Variants in KDM6A observed in about 807,000 individuals in gnomAD.
KDM6A encodes lysine demethylase 6A.
In KDM6A, 11 loss-of-function variants were observed where a neutral mutation model predicts 117.6. The ratio of observed to expected loss-of-function variants is 0.09; its 90% CI spans 0.06 to 0.15. The LOEUF (loss-of-function observed/expected upper bound fraction) is 0.15, where lower values mean the gene tolerates loss of function less well. Among genes scored for constraint, KDM6A ranks in the 10% least tolerant of loss-of-function variants. The pLI is 1.00. For synonymous variants in KDM6A, 384 were observed against 396.1 expected (o/e 0.97, Z 0.36); for missense variants, 799 against 1,077.3 (o/e 0.74, Z 3.62).
chrX:45,006,886 A>T (rs1003342974), intron 4 of KDM6A, among the ~76,000 whole-genome samples: 16 of 109,800 alleles, frequency 1.5e-4, no homozygotes, highest in Non-Finnish European at 2.7e-4. Flanking sequence ...AGCCGAGATC[A>T]CACCATTGCA....
At chrX:44,911,255 T>C (rs1183526942) in intron 2 of KDM6A, among the ~76,000 whole-genome samples, 1 of 108,355 alleles carries the variant, frequency 9.2e-6, no homozygotes, top group Non-Finnish European at 1.9e-5. Context: ...GCGGAGGGGC[T>C]CCTCACTTCT....
At chrX:44,959,997 C>G (rs975356921) in intron 2 of KDM6A, among the ~76,000 whole-genome samples, 1 of 111,589 alleles carries the variant, frequency 9.0e-6, no homozygotes, top group Non-Finnish European at 1.9e-5. Flanking sequence ...ATTATCCAAA[C>G]TTGTTGAATA....
intron 2 of KDM6A, among the ~76,000 whole-genome samples, chrX:44,887,913 C>G (rs2033025490): frequency 9.0e-6 from 1 of 111,259 alleles, no homozygotes; most frequent in African/African-American, 3.3e-5. Flanking sequence ...GAAAACCGCT[C>G]GAGCCCAGGA....
At chrX:45,056,989 C>G (rs2044100218) in intron 10 of KDM6A, among the ~76,000 whole-genome samples, 1 of 111,153 alleles carries the variant, frequency 9.0e-6, no homozygotes, top group Non-Finnish European at 1.9e-5. Context: ...ATGAATTTTT[C>G]CTTCATAAAA....
At chrX:45,036,118 T>G (rs1223762691) in intron 7 of KDM6A, among the ~76,000 whole-genome samples, 2 of 111,932 alleles carry the variant, frequency 1.8e-5, no homozygotes, top group Admixed American at 1.9e-4. Context: ...TTTTTGTTTT[T>G]GTTTTTTGTT....
At chrX:44,908,364 A>T (rs901099337) in intron 2 of KDM6A, among the ~76,000 whole-genome samples, 1 of 111,630 alleles carries the variant, frequency 9.0e-6, no homozygotes, top group African/African-American at 3.3e-5. Context: ...GAAAGGGTAC[A>T]GCAGGGATAT....
At chrX:44,907,520 G>A (rs1467696828) in intron 2 of KDM6A, among the ~76,000 whole-genome samples, 12 of 97,510 alleles carry the variant, frequency 1.2e-4, no homozygotes, top group African/African-American at 3.1e-4. Flanking sequence ...TTGTTCTGTC[G>A]CCCAGGCTGG....
chrX:44,965,808 C>T (rs972452552), intron 3 of KDM6A, among the ~76,000 whole-genome samples: 2 of 112,181 alleles, frequency 1.8e-5, no homozygotes, highest in African/African-American at 3.2e-5. Flanking sequence ...AAAATGACAC[C>T]GATAGACTTG....
Position 44,873,458 on chromosome X carries a change from G to T in KDM6A, c.-94G>T, listed in dbSNP as rs2146439219. The T allele has an allele frequency of 1.8e-6, 2 of 1,130,790 alleles. No homozygotes were observed. Among genetic ancestry groups the T allele is most frequent in the East Asian group, 6.1e-5 (2 of 32,556 alleles). 93.2% of individuals were successfully genotyped at this position (1,130,790 alleles called of 1,213,427 possible). On this transcript the variant is annotated 5_prime_UTR_variant, in exon 1 of 30. Transcript: ENST00000611820. ...GGAGGAGGAGGCGGCGATAAAGTTG[G>T]TGTGCTGGTCCCGCGCGCAGATTGG...
chrX:45,025,947 A>G (rs150439721), intron 6 of KDM6A, among the ~76,000 whole-genome samples: 4,283 of 111,851 alleles, frequency 0.038, 213 homozygotes, highest in African/African-American at 0.13. Flanking sequence ...GATGAGAATT[A>G]TGGAGACAGT....
In KDM6A at chrX:45,059,307, A is replaced by G; in HGVS notation, c.1035A>G (p.Val345=). ...CTTTACAGGCCTATATTTGTGCTGTACAATTGGACCATGGCCATGCTGCAG... is the reference window on the plus strand; with the variant it reads ...CTTTACAGGCCTATATTTGTGCTGTGCAATTGGACCATGGCCATGCTGCAG... ...MDALQAYICA[V]QLDHGHAAAW... The change falls in exon 12 of 30, where the codon GTA becomes GTG. Residue 345 remains valine, a synonymous_variant. Coordinates refer to ENST00000611820, the MANE Select transcript of KDM6A (RefSeq NM_001291415.2). 1.7e-6 allele frequency: 2 copies of G among 1,211,462 alleles called. No homozygotes were observed. The highest frequency in any genetic ancestry group is 2.2e-6 in the Non-Finnish European group (2 of 895,408).
chrX:45,039,096 G>A (rs908635087), intron 8 of KDM6A, among the ~76,000 whole-genome samples: 1 of 110,957 alleles, frequency 9.0e-6, no homozygotes, highest in Non-Finnish European at 1.9e-5. Context: ...CCCAAACCCA[G>A]CTCTATGGCA....
intron 2 of KDM6A, among the ~76,000 whole-genome samples, chrX:44,923,662 A>G (rs2036122577): frequency 9.5e-6 from 1 of 104,857 alleles, no homozygotes; most frequent in African/African-American, 3.5e-5. Flanking sequence ...CTCCTGCCTC[A>G]GCCTCCTGAG....
intron 23 of KDM6A, 56 bp from the exon 24 acceptor site, chrX:45,083,404 A>G: frequency 8.9e-7 from 1 of 1,121,681 alleles, no homozygotes; most frequent in East Asian, 3.0e-5. Context: ...AGAAATGGTA[A>G]ACTTCCACAG....
At chrX:44,910,348 G>A (rs1015289480) in intron 2 of KDM6A, among the ~76,000 whole-genome samples, 1 of 110,950 alleles carries the variant, frequency 9.0e-6, no homozygotes, top group African/African-American at 3.3e-5. Context: ...CACCATGCCC[G>A]GCTAATTTTT....
chrX:44,881,449 A>G (rs1357498447), intron 2 of KDM6A, among the ~76,000 whole-genome samples: 2 of 111,732 alleles, frequency 1.8e-5, no homozygotes, highest in Non-Finnish European at 3.8e-5. Context: ...AAAAACAACA[A>G]AAAAACTGTC....
chrX:44,894,635 T>G (rs1378552998), intron 2 of KDM6A, among the ~76,000 whole-genome samples: 1 of 106,777 alleles, frequency 9.4e-6, no homozygotes, highest in Non-Finnish European at 1.9e-5. Context: ...TTTTTTTTTT[T>G]GAGACAGTCT....
intron 19 of KDM6A, 40 bp from the exon 20 acceptor site, chrX:45,078,360 C>T: frequency 8.9e-7 from 1 of 1,129,821 alleles, no homozygotes; most frequent in Non-Finnish European, 1.2e-6. Context: ...AATAAAAGCT[C>T]TGTTTTCCTG....
chrX:45,075,278 C>T, intron 18 of KDM6A, among the ~76,000 whole-genome samples: 1 of 111,256 alleles, frequency 9.0e-6, no homozygotes, highest in Non-Finnish European at 1.9e-5. Flanking sequence ...AAATTTTCTA[C>T]ATGTTAAAAG....
Sources: allele counts gnomAD v4.1 joint callset (sites outside exome capture counted in the v4.1 genomes callset), GRCh38; gene constraint gnomAD v4.1.1; transcripts MANE v1.5; gene names NCBI Gene and HGNC (gene_info 2026-07-23, HGNC 2026-07-21).